TNS1: variants seen among roughly 807,000 people sequenced by gnomAD.
The protein encoded by TNS1 is tensin-1.
TNS1 carries 62 observed loss-of-function variants against 168.6 expected under a neutral mutation model. The observed-to-expected ratio is 0.37, with a 90% CI of 0.30 to 0.45. The LOEUF (loss-of-function observed/expected upper bound fraction) is 0.45. TNS1 is among the 20% of genes least tolerant of loss of function. The probability of loss-of-function intolerance (pLI) is 1.00; values close to 1 mark genes in which losing one functional copy is unlikely to be tolerated. For missense variants in TNS1, 2,240 were observed against 2,339.4 expected, an observed-to-expected ratio of 0.96 and a Z score of 0.88; for synonymous variants, 934 against 933.2, an observed-to-expected ratio of 1.00 and a Z score of -0.02.
At chr2:217,962,351 G>A (rs1308145499) in intron 3 of TNS1, among the ~76,000 whole-genome samples, 5 of 152,190 alleles carry the variant, frequency 3.3e-5, no homozygotes, top group African/African-American at 9.7e-5. Flanking sequence ...GCTGAGGCAG[G>A]AGAATTGCTT....
intron 28 of TNS1, 57 bp from the exon 29 acceptor site, chr2:217,810,376 T>G (rs1393176744): frequency 6.4e-7 from 1 of 1,568,790 alleles, no homozygotes; most frequent in African/African-American, 1.4e-5. Context: ...AGCACAAGTT[T>G]GGCTGGGCTG....
At chr2:217,978,896 C>T (rs1957962238) in intron 2 of TNS1, 94 bp from the exon 3 acceptor site, 1 of 693,932 alleles carries the variant, frequency 1.4e-6, no homozygotes, top group Non-Finnish European at 2.6e-6. Flanking sequence ...CCGCAATCCG[C>T]GCTCGGGAAG....
At chr2:217,942,804 C>A (rs1294756118) in intron 3 of TNS1, among the ~76,000 whole-genome samples, 2 of 152,112 alleles carry the variant, frequency 1.3e-5, no homozygotes, top group Non-Finnish European at 2.9e-5. Flanking sequence ...TCCATCTCCT[C>A]CCCACCCAGC....
chr2:217,842,851 G>A (rs1262364011), intron 19 of TNS1, among the ~76,000 whole-genome samples: 1 of 152,066 alleles, frequency 6.6e-6, no homozygotes, highest in Non-Finnish European at 1.5e-5. Flanking sequence ...TTGCTCCATG[G>A]GGCTCATCTC....
chr2:217,904,318 C>G (rs1953396610), intron 6 of TNS1, among the ~76,000 whole-genome samples: 2 of 152,240 alleles, frequency 1.3e-5, no homozygotes, highest in Non-Finnish European at 2.9e-5. Context: ...GGGCCAGAGA[C>G]AGCAACACAG....
chr2:218,027,608 T>C (rs1227946042), intron 1 of TNS1, among the ~76,000 whole-genome samples: 1 of 152,072 alleles, frequency 6.6e-6, no homozygotes, highest in East Asian at 1.9e-4. Flanking sequence ...CGGCACATTG[T>C]CTCAGGGTGA....
chr2:217,841,725 TC>T (rs1945991502), intron 19 of TNS1, among the ~76,000 whole-genome samples: 1 of 152,070 alleles, frequency 6.6e-6, no homozygotes, highest in South Asian at 2.1e-4. Context: ...ACCCATCTTT[TC>T]CTGGGCACCT....
intron 18 of TNS1, among the ~76,000 whole-genome samples, chr2:217,851,840 T>C (rs1205876517): frequency 2.0e-5 from 3 of 152,110 alleles, no homozygotes; most frequent in Non-Finnish European, 4.4e-5. Context: ...AGCTCCTTGC[T>C]ACACATAAAA....
At position 217,842,920 on chromosome 2, in the gene TNS1, C is replaced by T. The variant is rs1021832469; in HGVS notation, c.3007+4590G>A. ...GCAGCCAGCCACCCCCTACCTCTCA[C>T]TGCTTTATCTCAATGGCACGTATCA... On this transcript the variant is annotated intron_variant, in intron 19 of 32. Coordinates refer to ENST00000682258, the MANE Select transcript of TNS1 (RefSeq NM_001387777.1). Among the ~76,000 whole-genome samples, 4 of 152,178 alleles carry T rather than the reference C, an allele frequency of 2.6e-5. No individual in the cohort carries two copies. In the East Asian group the frequency reaches 5.8e-4, roughly 22 times the overall value.
At chr2:217,894,729 T>C (rs894700421) in intron 9 of TNS1, among the ~76,000 whole-genome samples, 3 of 152,000 alleles carry the variant, frequency 2.0e-5, no homozygotes, top group African/African-American at 7.2e-5. Context: ...CTGCTTTAAA[T>C]CCAAAAACTA....
At chr2:217,933,088 C>T (rs1464355959) in intron 3 of TNS1, among the ~76,000 whole-genome samples, 2 of 152,168 alleles carry the variant, frequency 1.3e-5, no homozygotes, top group Non-Finnish European at 2.9e-5. Context: ...AGAGGCTTGA[C>T]GCACAGCCAG....
At chr2:217,930,732 C>CGG (rs1427879068) in intron 3 of TNS1, among the ~76,000 whole-genome samples, 2 of 152,088 alleles carry the variant, frequency 1.3e-5, no homozygotes, top group East Asian at 3.9e-4. Flanking sequence ...GGCACGCGGC[C>CGG]GGAGGACTAG....
intron 1 of TNS1, among the ~76,000 whole-genome samples, chr2:218,028,435 T>TGTC (rs1230152952): frequency 6.6e-6 from 1 of 152,364 alleles, no homozygotes; most frequent in African/African-American, 2.4e-5. Context: ...GGTCTCTACC[T>TGTC]GTCCACCTCT....
intron 2 of TNS1, among the ~76,000 whole-genome samples, chr2:217,989,554 G>T (rs1958297417): frequency 1.3e-5 from 2 of 152,072 alleles, no homozygotes; most frequent in African/African-American, 4.8e-5. Flanking sequence ...TGGGTGCAGG[G>T]AGCTCCTGCT....
intron 4 of TNS1, among the ~76,000 whole-genome samples, chr2:217,909,836 G>T (rs1012361367): frequency 6.6e-6 from 1 of 152,196 alleles, no homozygotes. Flanking sequence ...TCTCTCGGCT[G>T]CTACCTAACT....
In TNS1 at chr2:217,978,803, C is replaced by T; in HGVS notation, c.149-1G>A. ...TTCCGATGACAGGAGAAGCTGCAGA[C>T]TGCAAGAGGGCGAGACACAGAAAGA... On this transcript the variant is annotated splice_acceptor_variant, in intron 2 of 32. Coordinates refer to ENST00000682258, the MANE Select transcript of TNS1 (RefSeq NM_001387777.1). LOFTEE classifies it high-confidence loss of function. 1 of 702,310 alleles carries T rather than the reference C, an allele frequency of 1.4e-6. No homozygotes were observed. The highest frequency in any genetic ancestry group is 2.6e-6 in the Non-Finnish European group (1 of 384,560). The allele number at this position is 702,310 out of a possible 1,614,324, so 43.5% of individuals were successfully genotyped here.
intron 4 of TNS1, among the ~76,000 whole-genome samples, chr2:217,913,101 G>C (rs1954618108): frequency 6.6e-6 from 1 of 152,220 alleles, no homozygotes; most frequent in Non-Finnish European, 1.5e-5. Flanking sequence ...GTGAGGGCTA[G>C]AGAAAGAGCA....
intron 3 of TNS1, among the ~76,000 whole-genome samples, chr2:217,921,377 C>A (rs1443377022): frequency 6.6e-6 from 1 of 152,216 alleles, no homozygotes; most frequent in Non-Finnish European, 1.5e-5. Context: ...CACCCACCAG[C>A]CCGGTGGAGT....
intron 4 of TNS1, among the ~76,000 whole-genome samples, chr2:217,917,767 GT>G (rs1340984393): frequency 6.8e-6 from 1 of 148,010 alleles, no homozygotes; most frequent in African/African-American, 2.5e-5. Flanking sequence ...GGAGGTGGAG[GT>G]TGCAGTGAGC....
Sources: gnomAD v4.1 joint callset for allele counts (sites outside exome capture counted in the v4.1 genomes callset) on GRCh38, gnomAD v4.1.1 for gene constraint, MANE v1.5 for transcripts, NCBI Gene and HGNC (gene_info 2026-07-23, HGNC 2026-07-21) for gene names.